The following CSPP1 variants were observed in gnomAD, a reference collection of about 807,000 sequenced individuals.
CSPP1 encodes the protein centrosome and spindle pole-associated protein 1.
CSPP1 carries 126 observed loss-of-function variants against 164.4 expected under a neutral mutation model. The ratio of observed to expected loss-of-function variants is 0.77; its 90% CI spans 0.66 to 0.89. The LOEUF (loss-of-function observed/expected upper bound fraction) is 0.89, where lower values mean the gene tolerates loss of function less well. Among genes scored for constraint, CSPP1 ranks in the 40% least tolerant of loss-of-function variants. The pLI is 0.00. For missense variants in CSPP1, 1,395 were observed against 1,449.8 expected (o/e 0.96, Z 0.61); for synonymous variants, 472 against 476.7 (o/e 0.99, Z 0.13).
Position 67,118,640 on chromosome 8 carries a change from A to C in CSPP1, c.1619-103A>C, listed in dbSNP as rs890587227. On this transcript the variant is annotated intron_variant, in intron 14 of 30. Transcript: ENST00000678616. ...GAAGGAAATATTGATGGTTTTCTCT[A>C]TGTAACATTTTGATTATGCACCTTT... 1.2e-5 allele frequency: 10 copies of C among 820,266 alleles called. No homozygotes were observed. In the African/African-American group the frequency reaches 1.6e-4, roughly 13 times the overall value. The allele number at this position is 820,266 out of a possible 1,614,324, so 50.8% of individuals were successfully genotyped here. A position where few individuals can be genotyped will look rare whatever the true frequency, so the allele number is the denominator to read the frequency against.
chr8:67,186,966 C>CCCCCAAGGAATACTGAGG (rs1834782219), intron 28 of CSPP1, among the ~76,000 whole-genome samples: 1 of 141,344 alleles, frequency 7.1e-6, no homozygotes, highest in Non-Finnish European at 1.5e-5. Context: ...ATAAATCTAT[C>CCCCCAAGGAATACTGAGG]TATCATCTAT....
intron 15 of CSPP1, among the ~76,000 whole-genome samples, chr8:67,128,248 G>C (rs995154062): frequency 6.6e-6 from 1 of 152,022 alleles, no homozygotes; most frequent in Non-Finnish European, 1.5e-5. Context: ...AATAAGTTAA[G>C]AATTTGTTGG....
intron 2 of CSPP1, 98 bp downstream of exon 2, chr8:67,074,449 C>A: frequency 1.5e-6 from 1 of 675,732 alleles, no homozygotes. Flanking sequence ...GAGTGAGAAT[C>A]TTCTGTTTTG....
intron 22 of CSPP1, among the ~76,000 whole-genome samples, chr8:67,162,206 A>G (rs1210926118): frequency 1.3e-5 from 2 of 152,190 alleles, no homozygotes; most frequent in Non-Finnish European, 2.9e-5. Context: ...GAACATGGAA[A>G]ATGTTCTAAG....
intron 24 of CSPP1, among the ~76,000 whole-genome samples, chr8:67,166,328 TC>T (rs1453513326): frequency 6.6e-6 from 1 of 152,260 alleles, no homozygotes; most frequent in East Asian, 1.9e-4. Flanking sequence ...TTATACTAAG[TC>T]ATAAATATAA....
chr8:67,195,650 G>A lies in CSPP1; in HGVS notation c.*57G>A. On this transcript the variant is annotated 3_prime_UTR_variant, in exon 31 of 31. Transcript: ENST00000678616. ...TTAAGGTGAAAGGAATGGTAAATCT[G>A]TACCTTTAATATGTCCTACTTTTGG... 6 of 1,471,052 alleles carry A rather than the reference G, an allele frequency of 4.1e-6. No individual in the cohort carries two copies. Among genetic ancestry groups the A allele is most frequent in the Non-Finnish European group, 4.7e-6 (5 of 1,060,026 alleles). The allele number at this position is 1,471,052 out of a possible 1,614,324, so 91.1% of individuals were successfully genotyped here.
intron 10 of CSPP1, 56 bp from the exon 11 acceptor site, chr8:67,113,749 A>G (rs1817360533): frequency 1.1e-6 from 1 of 891,982 alleles, no homozygotes. Flanking sequence ...GTGATGATTT[A>G]TAATTTTGAT....
chr8:67,178,880 A>G (rs1210217974), intron 27 of CSPP1, among the ~76,000 whole-genome samples: 3 of 152,198 alleles, frequency 2.0e-5, no homozygotes. Flanking sequence ...GGAAGCTGCC[A>G]AGGTCTTTAA....
intron 16 of CSPP1, among the ~76,000 whole-genome samples, chr8:67,136,787 T>C (rs77752822): frequency 0.012 from 1,876 of 151,230 alleles, 39 homozygotes; most frequent in African/African-American, 0.044. Context: ...CTTGAAAGGA[T>C]AGATGAAAAA....
At position 67,159,858 on chromosome 8, in the gene CSPP1, TTCTTTC is replaced by T. The variant is rs1321228238; in HGVS notation, c.2538+723_2538+728del. On this transcript the variant is annotated intron_variant, in intron 21 of 30. Transcript: ENST00000678616. ...TCTTTCTTTCTTTCTTTCTTTTTCT[TTCTTTC>T]TTTCTTTCTTTCTTTCTTTCTTTCT... Among the ~76,000 whole-genome samples, 22 of 24,304 alleles carry T rather than the reference TTCTTTC, an allele frequency of 9.1e-4. No homozygotes were observed. The South Asian group carries it at 0.01, about 11-fold the overall frequency. 15.9% of individuals were successfully genotyped at this position (24,304 alleles called of 152,430 possible).
intron 17 of CSPP1, among the ~76,000 whole-genome samples, chr8:67,142,177 T>G (rs1208778077): frequency 6.6e-6 from 1 of 152,226 alleles, no homozygotes; most frequent in Non-Finnish European, 1.5e-5. Context: ...CTCAGTTCTT[T>G]ATTTATTAAA....
At chr8:67,094,631 G>A (rs1812349466) in intron 6 of CSPP1, among the ~76,000 whole-genome samples, 1 of 151,938 alleles carries the variant, frequency 6.6e-6, no homozygotes, top group African/African-American at 2.4e-5. Context: ...GGTGATTAAT[G>A]TTGCCTAGGC....
At chr8:67,125,201 G>A (rs927587416) in intron 15 of CSPP1, among the ~76,000 whole-genome samples, 1 of 152,086 alleles carries the variant, frequency 6.6e-6, no homozygotes, top group Non-Finnish European at 1.5e-5. Flanking sequence ...ATTTAATAAT[G>A]TCTTAATTTA....
At chr8:67,165,051 A>G (rs1415355229) in intron 24 of CSPP1, among the ~76,000 whole-genome samples, 1 of 152,296 alleles carries the variant, frequency 6.6e-6, no homozygotes, top group Middle Eastern at 3.4e-3. Flanking sequence ...TTGGGAGGCC[A>G]AGGTGGGCGG....
At chr8:67,075,308 G>T (rs1807681981) in intron 2 of CSPP1, among the ~76,000 whole-genome samples, 3 of 152,146 alleles carry the variant, frequency 2.0e-5, no homozygotes, top group Admixed American at 2.0e-4. Flanking sequence ...TCATCATAAT[G>T]ACAGTAACCA....
chr8:67,088,490 A>G (rs1233267112), intron 4 of CSPP1, among the ~76,000 whole-genome samples: 2 of 151,448 alleles, frequency 1.3e-5, no homozygotes, highest in Non-Finnish European at 2.9e-5. Context: ...GGGTTTCACC[A>G]TATTGGCCAG....
chr8:67,180,220 T>TA (rs1296141457), intron 28 of CSPP1, among the ~76,000 whole-genome samples: 3 of 152,110 alleles, frequency 2.0e-5, no homozygotes, highest in Non-Finnish European at 2.9e-5. Flanking sequence ...GATGAATGGT[T>TA]AAAAAAACTC....
chr8:67,065,271 G>A lies in CSPP1; in HGVS notation c.-11+733G>A, dbSNP rs377147654. On this transcript the variant is annotated intron_variant, in intron 1 of 30. Coordinates refer to ENST00000678616, the MANE Select transcript of CSPP1 (RefSeq NM_001382391.1). ...GCCTTGATTTTAGGAATCTTATGTG[G>A]GACTCAAATCCAGTTGTCAGTACAT... Among the ~76,000 whole-genome samples, 41 of 152,132 alleles carry A rather than the reference G, an allele frequency of 2.7e-4. 1 individual carries two copies. In the South Asian group the frequency reaches 8.5e-3, roughly 32 times the overall value.
At chr8:67,125,525 A>G (rs1004902099) in intron 15 of CSPP1, among the ~76,000 whole-genome samples, 3 of 151,944 alleles carry the variant, frequency 2.0e-5, no homozygotes, top group Admixed American at 6.6e-5. Context: ...ATTTTTTCCA[A>G]TATTCTTTGT....
Sources: gnomAD v4.1 joint callset for allele counts (sites outside exome capture counted in the v4.1 genomes callset) on GRCh38, gnomAD v4.1.1 for gene constraint, MANE v1.5 for transcripts, NCBI Gene and HGNC (gene_info 2026-07-23, HGNC 2026-07-21) for gene names.